The following MAB21L4 variants were observed in gnomAD, a reference collection of about 807,000 sequenced individuals.
The protein encoded by MAB21L4 is mab-21 like 4.
Under a neutral mutation model 32.4 loss-of-function variants are expected in MAB21L4, and 25 were observed. The ratio of observed to expected loss-of-function variants is 0.77; its 90% CI spans 0.56 to 1.08. The LOEUF is 1.08. Ranked by LOEUF, MAB21L4 falls within the 50% of genes least tolerant of loss-of-function variation. The pLI, the probability that MAB21L4 is intolerant of heterozygous loss-of-function variation, is 0.00. For synonymous variants in MAB21L4, 280 were observed against 276.8 expected, an observed-to-expected ratio of 1.01 and a Z score of -0.11; for missense variants, 638 against 611.0, an observed-to-expected ratio of 1.04 and a Z score of -0.47.
At chr2:240,891,456 G>T in intron 2 of MAB21L4, 82 bp downstream of exon 2, 1 of 1,320,038 alleles carries the variant, frequency 7.6e-7, no homozygotes, top group Non-Finnish European at 1.0e-6. Context: ...AGATCCTCCT[G>T]GCTGGGGCCA....
chr2:240,888,577 G>C lies in MAB21L4; in HGVS notation c.966C>G (p.Tyr322Ter). 1.2e-6 allele frequency: 2 copies of C among 1,608,024 alleles called. No homozygotes were observed. The highest frequency in any genetic ancestry group is 1.7e-6 in the Non-Finnish European group (2 of 1,178,604). ...EDWAELQGAV[Y>*]RLLVVLLCCL... ...AACAGAGCAGCACCACCAGCAGGCG[G>C]TACACGGCGCCCTGCAGTTCTGCCC... The change falls in exon 4 of 5, where the codon TAC becomes TAG. Residue 322 changes from tyrosine (Y) to a stop codon, truncating the protein, a stop_gained. Transcript: ENST00000388934. LOFTEE classifies it high-confidence loss of function.
chr2:240,888,249 C>T, intron 4 of MAB21L4, 43 bp downstream of exon 4: 2 of 1,452,776 alleles, frequency 1.4e-6, no homozygotes, highest in Non-Finnish European at 1.8e-6. Flanking sequence ...TCCACCCTCC[C>T]ATGCCCCCGG....
At chr2:240,889,332 G>A (rs1314548618) in intron 3 of MAB21L4, among the ~76,000 whole-genome samples, 22 of 152,208 alleles carry the variant, frequency 1.4e-4, no homozygotes, top group Non-Finnish European at 2.9e-4. Flanking sequence ...CCGGACACCA[G>A]GAGGGGCACC....
intron 1 of MAB21L4, among the ~76,000 whole-genome samples, chr2:240,893,262 G>A (rs1020210817): frequency 2.0e-5 from 3 of 152,202 alleles, no homozygotes; most frequent in Admixed American, 2.0e-4. Context: ...GGTCCTGGCT[G>A]TGTGGACCCC....
In MAB21L4 at chr2:240,886,407, A is replaced by C. The variant is rs1435668660; in HGVS notation, c.*663T>G. 1.3e-5 allele frequency: 2 copies of C among 152,182 alleles called. No homozygotes were observed. The highest frequency in any genetic ancestry group is 6.5e-5 in the Admixed American group (1 of 15,274). The allele number at this position is 152,182 out of a possible 1,614,324, so 9.4% of individuals were successfully genotyped here. On this transcript the variant is annotated 3_prime_UTR_variant, in exon 5 of 5. Transcript: ENST00000388934. ...AGATTTGGGTGGGGATACAGATACA[A>C]TCCATATCAGGGGCCACTTCCACGG...
In MAB21L4 at chr2:240,895,831, C is replaced by A; in HGVS notation, c.167G>T (p.Arg56Leu). 1.3e-6 allele frequency: 2 copies of A among 1,587,764 alleles called. No homozygotes were observed. The highest frequency in any genetic ancestry group is 1.1e-5 in the South Asian group (1 of 87,688). The change falls in exon 1 of 5, where the codon CGC (arginine) becomes CTC (leucine). Residue 56 changes from arginine (R) to leucine (L), a missense_variant. Coordinates refer to ENST00000388934, the MANE Select transcript of MAB21L4 (RefSeq NM_001085437.3). Reference protein sequence around the residue: ...VLERVHALDPRFIVDYSRGLE... With the variant: ...VLERVHALDPLFIVDYSRGLE... ...GCCACGGGAGTAGTCCACGATGAAGCGGGGGTCCAGGGCATGCACGCGCTC... is the reference window on the plus strand; with the variant it reads ...GCCACGGGAGTAGTCCACGATGAAGAGGGGGTCCAGGGCATGCACGCGCTC...
intron 4 of MAB21L4, 61 bp from the exon 5 acceptor site, chr2:240,887,223 T>G: frequency 5.7e-6 from 8 of 1,400,836 alleles, no homozygotes; most frequent in Non-Finnish European, 8.1e-6. Context: ...TGATAAGCTC[T>G]CAGGGCCGAG....
intron 3 of MAB21L4, 80 bp downstream of exon 3, chr2:240,889,925 G>A: frequency 6.9e-7 from 1 of 1,449,506 alleles, no homozygotes; most frequent in South Asian, 1.4e-5. Context: ...GCCAGTCAGG[G>A]CTGGCAGGAG....
rs2059181405 is a variant in MAB21L4 at position 240,895,660 on chromosome 2, A to T, written c.338T>A (p.Val113Glu). The T allele has an allele frequency of 6.2e-7, 1 of 1,612,910 alleles. No homozygotes were observed. The highest frequency in any genetic ancestry group is 1.1e-5 in the South Asian group (1 of 91,084). The stretch of plus-strand genomic sequence containing the variant: ...CTCCAGGCCAGCCCCTTCCCTGGGC[A>T]CACCCAGGTGGCATAATTCAAGGCC... ...EDGLELCHLGVPREGAGLERW... is the reference protein window; with the variant it reads ...EDGLELCHLGEPREGAGLERW... The change falls in exon 1 of 5, where the codon GTG (valine) becomes GAG (glutamate). Residue 113 changes from valine (V) to glutamate (E), a missense_variant. Val to Glu is a moderately radical substitution (Grantham distance 121, BLOSUM62 -2). Coordinates refer to ENST00000388934, the MANE Select transcript of MAB21L4 (RefSeq NM_001085437.3).
intron 2 of MAB21L4, among the ~76,000 whole-genome samples, chr2:240,891,094 C>T (rs932112775): frequency 3.3e-5 from 5 of 152,192 alleles, no homozygotes; most frequent in African/African-American, 9.7e-5. Context: ...CTAGGGGTCT[C>T]CAGGGGAGCT....
chr2:240,893,862 G>T (rs2059170343), intron 1 of MAB21L4, among the ~76,000 whole-genome samples: 1 of 152,110 alleles, frequency 6.6e-6, no homozygotes, highest in African/African-American at 2.4e-5. Flanking sequence ...GCCAAGTGAG[G>T]TCGGGAAGAA....
intron 3 of MAB21L4, among the ~76,000 whole-genome samples, chr2:240,889,556 G>C (rs566148955): frequency 6.6e-6 from 1 of 152,228 alleles, no homozygotes; most frequent in African/African-American, 2.4e-5. Flanking sequence ...AGAAGGACAG[G>C]GTTCTGCAGA....
Position 240,887,010 on chromosome 2 carries a change from G to C in MAB21L4, c.*60C>G. 1 of 1,279,690 alleles carries C rather than the reference G, an allele frequency of 7.8e-7. No homozygotes were observed. The highest frequency in any genetic ancestry group is 1.2e-5 in the South Asian group (1 of 83,092). 79.3% of individuals were successfully genotyped at this position (1,279,690 alleles called of 1,614,324 possible). A position where few individuals can be genotyped will look rare whatever the true frequency, so the allele number is the denominator to read the frequency against. On this transcript the variant is annotated 3_prime_UTR_variant, in exon 5 of 5. Coordinates refer to ENST00000388934, the MANE Select transcript of MAB21L4 (RefSeq NM_001085437.3). ...TCCAAACATCCCAGGAGCCTCCCAT[G>C]GTGCAGTGCAGAGTCTGTTGGGGAG... is the stretch of plus-strand genomic sequence containing the variant.
Position 240,891,711 on chromosome 2 carries a change from C to G in MAB21L4, c.567G>C (p.Leu189=), listed in dbSNP as rs527324672. 3.1e-6 allele frequency: 5 copies of G among 1,610,060 alleles called. No individual in the cohort carries two copies. The South Asian group carries it at 5.5e-5, about 18-fold the overall frequency. ...LREEQLHLSL[L]VSSGWRTISF... ...TGATTGTTCTCCAGCCGCTGGACAC[C>G]AGCAAGGACAGGTGGAGCTGCTCCT... The change falls in exon 2 of 5, where the codon CTG becomes CTC. Residue 189 remains leucine, a synonymous_variant. Coordinates refer to ENST00000388934, the MANE Select transcript of MAB21L4 (RefSeq NM_001085437.3).
upstream of MAB21L4, chr2:240,896,257 G>A (rs1258076740): frequency 5.2e-6 from 5 of 962,348 alleles, no homozygotes; most frequent in African/African-American, 6.8e-5. Flanking sequence ...GGCAGGCGGG[G>A]GCTGGGTTTG....
chr2:240,889,701 G>C (rs989551957), intron 3 of MAB21L4, among the ~76,000 whole-genome samples: 3 of 152,156 alleles, frequency 2.0e-5, no homozygotes, highest in Non-Finnish European at 2.9e-5. Flanking sequence ...ACTGGGCTCT[G>C]TGAGGCCCCA....
In MAB21L4 at chr2:240,895,476, G is replaced by A; in HGVS notation, c.514+8C>T. The A allele has an allele frequency of 6.5e-7, 1 of 1,532,012 alleles. No homozygotes were observed. Among genetic ancestry groups the A allele is most frequent in the Non-Finnish European group, 8.8e-7 (1 of 1,132,376 alleles). The allele number at this position is 1,532,012 out of a possible 1,614,324, so 94.9% of individuals were successfully genotyped here. On this transcript the variant is annotated splice_region_variant and intron_variant, in intron 1 of 4. Transcript: ENST00000388934. Reference sequence around the variant, plus strand: ...CAGATACGCGTGCAGAGTGGGCTGTGCCTGTACCTGGTGCGATGAGACTGT... The same window carrying A: ...CAGATACGCGTGCAGAGTGGGCTGTACCTGTACCTGGTGCGATGAGACTGT...
Position 240,888,452 on chromosome 2 carries a change from C to T in MAB21L4, c.1091G>A (p.Gly364Asp). The T allele has an allele frequency of 6.4e-7, 1 of 1,572,392 alleles. No individual in the cohort carries two copies. The highest frequency in any genetic ancestry group is 8.6e-7 in the Non-Finnish European group (1 of 1,162,308). ...GGCCGCCTCGGGCTGGCTGGCGAAG[C>T]CCTCCACGCGCTGGTAGATGGCACC... The part of the protein sequence containing the change: ...DLGAIYQRVE[G>D]FASQPEAALR... Residue 364 changes from glycine (G) to aspartate (D), a missense_variant, in exon 4 of 5, where the codon GGC (glycine) becomes GAC (aspartate). Transcript: ENST00000388934.
chr2:240,889,029 G>A (rs2059122505), intron 3 of MAB21L4, among the ~76,000 whole-genome samples: 1 of 151,874 alleles, frequency 6.6e-6, no homozygotes, highest in African/African-American at 2.4e-5. Context: ...CCAACCCAAC[G>A]GGCCCATGGC....
Sources: gnomAD v4.1 joint callset for allele counts (sites outside exome capture counted in the v4.1 genomes callset) on GRCh38, gnomAD v4.1.1 for gene constraint, MANE v1.5 for transcripts, NCBI Gene and HGNC (gene_info 2026-07-23, HGNC 2026-07-21) for gene names.